ANKRD36C: variants seen among roughly 807,000 people sequenced by gnomAD.
The protein encoded by ANKRD36C is ankyrin repeat domain 36C.
Under a neutral mutation model 276.4 loss-of-function variants are expected in ANKRD36C, and 61 were observed. That is an observed-to-expected ratio of 0.22 (90% confidence interval 0.18 to 0.27). The LOEUF (loss-of-function observed/expected upper bound fraction) is 0.27. Ranked by LOEUF, ANKRD36C falls within the 10% of genes least tolerant of loss-of-function variation. The probability of loss-of-function intolerance (pLI) is 1.00; values close to 1 mark genes in which losing one functional copy is unlikely to be tolerated. For missense variants in ANKRD36C, 1,447 were observed against 2,032.3 expected, an observed-to-expected ratio of 0.71 and a Z score of 5.54; for synonymous variants, 483 against 680.1, an observed-to-expected ratio of 0.71 and a Z score of 4.51.
At chr2:95,989,357 C>G (rs907057754) in intron 1 of ANKRD36C, among the ~76,000 whole-genome samples, 1 of 152,082 alleles carries the variant, frequency 6.6e-6, no homozygotes, top group South Asian at 2.1e-4. Context: ...AATACCCCTG[C>G]CAGAAAAGAA....
At chr2:95,974,050 C>CAAAAAAA (rs1207476983) in intron 6 of ANKRD36C, among the ~76,000 whole-genome samples, 1 of 87,436 alleles carries the variant, frequency 1.1e-5, no homozygotes, top group African/African-American at 4.4e-5. Context: ...GACTCAATCT[C>CAAAAAAA]AAAAAAAAAA....
At chr2:95,860,137 CTG>C in intron 60 of ANKRD36C, 63 bp from the exon 81 acceptor site, 2 of 1,140,834 alleles carry the variant, frequency 1.8e-6, no homozygotes, top group Non-Finnish European at 1.3e-6. Flanking sequence ...ATATAAAGGA[CTG>C]TGCATTTTTA....
chr2:95,902,992 T>A (rs577359976), intron 42 of ANKRD36C, 34 bp from the exon 54 acceptor site: 3 of 1,574,606 alleles, frequency 1.9e-6, no homozygotes, highest in Non-Finnish European at 2.6e-6. Context: ...AATAAATTAA[T>A]AAAGTATGCT....
At chr2:95,917,125 T>G (rs1443278663) in intron 36 of ANKRD36C, among the ~76,000 whole-genome samples, 1 of 151,600 alleles carries the variant, frequency 6.6e-6, no homozygotes, top group Admixed American at 6.6e-5. Flanking sequence ...ATATTCAAGT[T>G]TATCTCATTT....
intron 6 of ANKRD36C, among the ~76,000 whole-genome samples, chr2:95,963,930 TATATACATATATAA>T (rs1678514498): frequency 8.4e-6 from 1 of 119,118 alleles, no homozygotes; most frequent in African/African-American, 3.4e-5. Context: ...ACCAACCAAA[TATATACATATATAA>T]ATATATATAT....
At chr2:95,917,580 C>T (rs1451678913) in intron 36 of ANKRD36C, among the ~76,000 whole-genome samples, 1 of 151,614 alleles carries the variant, frequency 6.6e-6, no homozygotes, top group African/African-American at 2.4e-5. Context: ...CTATGCTGTT[C>T]CCCAGAGCCC....
chr2:95,961,912 A>G (rs1192721529), intron 8 of ANKRD36C, among the ~76,000 whole-genome samples: 1 of 152,002 alleles, frequency 6.6e-6, no homozygotes. Context: ...CTTGAGTAAA[A>G]TAATTACCAC....
At chr2:95,923,352 G>A (rs576351654) in intron 32 of ANKRD36C, 143 bp downstream of exon 32, 26 of 1,148,104 alleles carry the variant, frequency 2.3e-5, no homozygotes, top group African/African-American at 1.6e-4. Context: ...AGCGTCACCC[G>A]AGAACTTATT....
At chr2:95,924,465 T>C (rs1237944538) in intron 30 of ANKRD36C, among the ~76,000 whole-genome samples, 4 of 151,806 alleles carry the variant, frequency 2.6e-5, no homozygotes, top group African/African-American at 9.6e-5. Flanking sequence ...CAGTCCAATA[T>C]TCATTGAAAA....
intron 65 of ANKRD36C, among the ~76,000 whole-genome samples, 160 bp downstream of exon 85, chr2:95,851,966 A>G (rs1195237284): frequency 3.9e-5 from 6 of 152,216 alleles, no homozygotes; most frequent in Non-Finnish European, 7.3e-5. Flanking sequence ...AAATTTAGGA[A>G]TAATGTAGAA....
At chr2:95,893,534 T>C (rs1676438871) in intron 44 of ANKRD36C, 1 of 1,544,300 alleles carries the variant, frequency 6.5e-7, no homozygotes, top group Non-Finnish European at 8.7e-7. Flanking sequence ...CAAAATTACC[T>C]GTTCTAGATT....
At chr2:95,857,514 A>C (rs1248261469) in intron 61 of ANKRD36C, 22 bp from the exon 82 acceptor site, 20 of 1,538,164 alleles carry the variant, frequency 1.3e-5, no homozygotes, top group Non-Finnish European at 1.8e-5. Context: ...CTTATCTTAG[A>C]ATTTATCTTA....
intron 48 of ANKRD36C, 106 bp from the exon 69 acceptor site, chr2:95,888,226 T>C (rs992007308): frequency 7.5e-5 from 117 of 1,558,324 alleles, no homozygotes; most frequent in Non-Finnish European, 9.3e-5. Context: ...CCTGTATTAG[T>C]ATAGGCTTTG....
At chr2:95,924,332 T>A (rs998717569) in intron 30 of ANKRD36C, among the ~76,000 whole-genome samples, 2 of 151,574 alleles carry the variant, frequency 1.3e-5, no homozygotes, top group African/African-American at 4.8e-5. Flanking sequence ...ATTTTCTTCA[T>A]CCACTAATGG....
downstream of ANKRD36C, among the ~76,000 whole-genome samples, chr2:95,850,513 C>T (rs201318431): frequency 2.0e-5 from 3 of 152,172 alleles, no homozygotes. Flanking sequence ...ATGCAAACAG[C>T]TGGAGGTGAA....
At chr2:95,916,164 A>G in exon 37 of ANKRD36C, 2 of 1,605,068 alleles carry the variant, frequency 1.2e-6, no homozygotes, top group Non-Finnish European at 1.7e-6. Flanking sequence ...GTTTTTTCCG[A>G]GAAGACACTG....
intron 44 of ANKRD36C, chr2:95,894,172 G>A (rs1676464754): frequency 4.7e-6 from 1 of 211,780 alleles, no homozygotes. Context: ...GCCAATAACT[G>A]AGAAGGCACA....
intron 54 of ANKRD36C, among the ~76,000 whole-genome samples, chr2:95,883,715 C>T (rs531755664): frequency 6.6e-6 from 1 of 152,174 alleles, no homozygotes; most frequent in Non-Finnish European, 1.5e-5. Context: ...CTGACAATCC[C>T]TCTTCCTTGA....
In ANKRD36C at chr2:95,874,177, G is replaced by A. The variant is rs560798236; in HGVS notation, c.3540+2262C>T. ...TTTCTTCACTGAATTGGAAAAAACT[G>A]CTTTAAAGTTCATATGGAACCAAAA... On this transcript the variant is annotated intron_variant, in intron 59 of 66. Transcript: ENST00000456556. Among the ~76,000 whole-genome samples, 56 of 152,126 alleles carry A rather than the reference G, an allele frequency of 3.7e-4. No individual in the cohort carries two copies. The East Asian group carries it at 0.01, about 28-fold the overall frequency.
Sources: gnomAD v4.1 joint callset for allele counts (sites outside exome capture counted in the v4.1 genomes callset) on GRCh38, gnomAD v4.1.1 for gene constraint, MANE v1.5 for transcripts, NCBI Gene and HGNC (gene_info 2026-07-23, HGNC 2026-07-21) for gene names.